UTP20: variants seen among roughly 807,000 people sequenced by gnomAD.
UTP20 encodes small subunit processome component 20 homolog.
UTP20 carries 164 observed loss-of-function variants against 329.5 expected under a neutral mutation model. The ratio of observed to expected loss-of-function variants is 0.50; its 90% CI spans 0.44 to 0.57. The LOEUF (loss-of-function observed/expected upper bound fraction) is 0.57, where lower values mean the gene tolerates loss of function less well. Among genes scored for constraint, UTP20 ranks in the 20% least tolerant of loss-of-function variants. UTP20 has a pLI of 0.00. For synonymous variants in UTP20, 1,151 were observed against 1,159.3 expected (o/e 0.99, Z 0.14); for missense variants, 3,055 against 3,284.2 (o/e 0.93, Z 1.71).
chr12:101,341,132 C>T (rs1458759845), intron 32 of UTP20, among the ~76,000 whole-genome samples: 2 of 151,788 alleles, frequency 1.3e-5, no homozygotes, highest in African/African-American at 2.4e-5. Flanking sequence ...CCTGCCACCA[C>T]GCCCAGCTAG....
rs916319852 is a variant in UTP20 at position 101,338,813 on chromosome 12, A to G, written c.3869A>G (p.Glu1290Gly). The G allele has an allele frequency of 6.9e-6, 11 of 1,594,662 alleles. No homozygotes were observed. The highest frequency in any genetic ancestry group is 9.4e-6 in the Non-Finnish European group (11 of 1,174,856). Residue 1290 changes from glutamate to glycine, a missense_variant and splice_region_variant, in exon 31 of 62, where the codon GAG becomes GGG. Glu to Gly is a moderately conservative substitution (Grantham distance 98, BLOSUM62 -2). Around this residue, in one of 3 missense-constraint regions of UTP20, gnomAD observed 2,445 missense variants for 2,575.5 expected, o/e 0.95. Transcript: ENST00000261637. ...VYPGIAENIG[E>G]SITIGGRLIL... Reference sequence around the variant, plus strand: ...CAAATCAAATCACTATCTATTTCAGAGTCTATCACAATAGGAGGAAGATTA... The same window carrying G: ...CAAATCAAATCACTATCTATTTCAGGGTCTATCACAATAGGAGGAAGATTA...
At chr12:101,282,065 A>G (rs543635489) in intron 2 of UTP20, among the ~76,000 whole-genome samples, 1 of 152,254 alleles carries the variant, frequency 6.6e-6, no homozygotes, top group South Asian at 2.1e-4. Context: ...TAGCATTTTA[A>G]GGTCGTACGT....
At position 101,299,719 on chromosome 12, in the gene UTP20, A is replaced by G. The variant is rs1217408485; in HGVS notation, c.1468A>G (p.Arg490Gly). 1 of 1,605,052 alleles carries G rather than the reference A, an allele frequency of 6.2e-7. No homozygotes were observed. The highest frequency in any genetic ancestry group is 2.2e-5 in the East Asian group (1 of 44,838). ...GCAGAAGAAGACTAGATCCAAGGGA[A>G]GAAACGAACAGTTTCCAGTATTGGA... The part of the protein sequence containing the change: ...IKQKKTRSKG[R>G]NEQFPVLDHL... The change falls in exon 13 of 62, where the codon AGA becomes GGA. Residue 490 changes from arginine (R) to glycine (G), a missense_variant. This residue lies in a region of UTP20 where 2,445 missense variants were observed against 2,575.5 expected (regional missense o/e 0.95). Transcript: ENST00000261637.
In UTP20 at chr12:101,373,569, G is replaced by A. The variant is rs745322694; in HGVS notation, c.6949-16G>A. On this transcript the variant is annotated splice_polypyrimidine_tract_variant and intron_variant, in intron 53 of 61. Transcript: ENST00000261637. Reference sequence around the variant, plus strand: ...AATTCCACTCTGAGTGCTCACACGTGCCTCTTTTCTTTTAGGGGCTGCTCC... The same window carrying A: ...AATTCCACTCTGAGTGCTCACACGTACCTCTTTTCTTTTAGGGGCTGCTCC... The A allele has an allele frequency of 6.2e-6, 10 of 1,610,402 alleles. No homozygotes were observed. In the African/African-American group the frequency reaches 1.1e-4, roughly 17 times the overall value.
chr12:101,292,216 A>G, intron 10 of UTP20, 112 bp downstream of exon 10: 1 of 1,226,322 alleles, frequency 8.2e-7, no homozygotes, highest in Non-Finnish European at 1.1e-6. Flanking sequence ...CAAGGAATTT[A>G]TAATCTTGTT....
rs899579378 is a variant in UTP20, at chr12:101,328,823, C to T, written c.3209-418C>T. ...GGCAGAGATTGCAGTGAGCCGAGAT[C>T]GCCCCAGTGCACTCCAGCCTGGGCG... On this transcript the variant is annotated intron_variant, in intron 26 of 61. Transcript: ENST00000261637. 8.0e-5 allele frequency among the ~76,000 whole-genome samples: 12 copies of T among 150,450 alleles called. No individual in the cohort carries two copies. The South Asian group carries it at 8.4e-4, about 11-fold the overall frequency.
Position 101,346,958 on chromosome 12 carries a change from G to A in UTP20, c.4884+370G>A, listed in dbSNP as rs566838611. Among the ~76,000 whole-genome samples, 3 of 152,258 alleles carry A rather than the reference G, an allele frequency of 2.0e-5. No homozygotes were observed. In the East Asian group the frequency reaches 5.8e-4, roughly 29 times the overall value. Reference sequence around the variant, plus strand: ...TACAAGAAATGAAATGAAATAGTAGGTTATCATTAACACCATACCAGGTAC... The same window carrying A: ...TACAAGAAATGAAATGAAATAGTAGATTATCATTAACACCATACCAGGTAC... On this transcript the variant is annotated intron_variant, in intron 38 of 61. Transcript: ENST00000261637.
At chr12:101,374,976 T>TA (rs764653069) in intron 55 of UTP20, 37 bp downstream of exon 55, 1 of 1,530,888 alleles carries the variant, frequency 6.5e-7, no homozygotes. Context: ...TTTTCTAACT[T>TA]ATAGTTTTAC....
At chr12:101,359,820 GC>G (rs995908089) in intron 43 of UTP20, among the ~76,000 whole-genome samples, 2 of 152,176 alleles carry the variant, frequency 1.3e-5, no homozygotes, top group African/African-American at 4.8e-5. Context: ...AGCAATGGCA[GC>G]ACAGAAAGAG....
chr12:101,385,560 C>A (rs1381762987), intron 60 of UTP20, 23 bp from the exon 61 acceptor site: 2 of 1,601,316 alleles, frequency 1.2e-6, no homozygotes, highest in East Asian at 2.2e-5. Flanking sequence ...TGTCTCTGAT[C>A]ATTACTCTTT....
rs867454302 is a variant in UTP20 at position 101,374,044 on chromosome 12, G to C, written c.7131+277G>C. On this transcript the variant is annotated intron_variant, in intron 54 of 61. Transcript: ENST00000261637. ...AGGTCAGGAGATCGAGACCATCCCGGCTAAAACGGTGAAACCCCGTCTCTA... is the reference window on the plus strand; with the variant it reads ...AGGTCAGGAGATCGAGACCATCCCGCCTAAAACGGTGAAACCCCGTCTCTA... 1.3e-3 allele frequency among the ~76,000 whole-genome samples: 199 copies of C among 151,922 alleles called. 1 individual carries two copies. The highest frequency in any genetic ancestry group is 4.6e-3 in the African/African-American group (190 of 41,466).
chr12:101,327,982 C>T (rs1868625868), intron 26 of UTP20, among the ~76,000 whole-genome samples: 1 of 152,158 alleles, frequency 6.6e-6, no homozygotes, highest in Non-Finnish European at 1.5e-5. Context: ...GGTATTTCAC[C>T]CATCGTAACT....
chr12:101,319,752 A>T, intron 23 of UTP20, 117 bp downstream of exon 23: 1 of 781,744 alleles, frequency 1.3e-6, no homozygotes. Context: ...TCTACATTTT[A>T]AGTATTAAAG....
chr12:101,361,894 C>T, intron 43 of UTP20, 68 bp from the exon 44 acceptor site: 2 of 1,274,146 alleles, frequency 1.6e-6, no homozygotes, highest in Non-Finnish European at 2.3e-6. Context: ...TGCAGTGCTT[C>T]CTAGATCTTA....
In UTP20 at chr12:101,365,442, T is replaced by A; in HGVS notation, c.5959-17T>A. On this transcript the variant is annotated splice_polypyrimidine_tract_variant and intron_variant, in intron 45 of 61. Transcript: ENST00000261637. ...TTTCTGTGTCATCTCAGCATGACAT[T>A]TATGTTTTGCCTTTAGATCTTACAA... 5 of 1,585,276 alleles carry A rather than the reference T, an allele frequency of 3.2e-6. No homozygotes were observed. The highest frequency in any genetic ancestry group is 4.3e-6 in the Non-Finnish European group (5 of 1,168,508).
intron 48 of UTP20, 89 bp downstream of exon 48, chr12:101,368,065 C>T: frequency 1.1e-6 from 1 of 935,590 alleles, no homozygotes; most frequent in Non-Finnish European, 1.7e-6. Context: ...TATTTGGGCT[C>T]AAGCTTTATG....
intron 40 of UTP20, among the ~76,000 whole-genome samples, chr12:101,354,629 C>G (rs898100454): frequency 1.3e-5 from 2 of 152,184 alleles, no homozygotes; most frequent in African/African-American, 4.8e-5. Flanking sequence ...TTATTTGTCT[C>G]TCTTTAAACT....
At chr12:101,335,502 C>A (rs1326607983) in intron 29 of UTP20, among the ~76,000 whole-genome samples, 3 of 152,210 alleles carry the variant, frequency 2.0e-5, no homozygotes, top group African/African-American at 7.2e-5. Context: ...AATTGGCATT[C>A]TATGTCTTTC....
Position 101,322,150 on chromosome 12 carries a change from T to G in UTP20, c.3041+521T>G, listed in dbSNP as rs1213098443. ...GATCACAAGCGTGCGCCACCATGCC[T>G]GGCTAATTTTTGTATTTTTAGTAGA... is the stretch of plus-strand genomic sequence containing the variant. On this transcript the variant is annotated intron_variant, in intron 25 of 61. Coordinates refer to ENST00000261637, the MANE Select transcript of UTP20 (RefSeq NM_014503.3). Among the ~76,000 whole-genome samples, 3 of 152,076 alleles carry G rather than the reference T, an allele frequency of 2.0e-5. No individual in the cohort carries two copies. In the South Asian group the frequency reaches 6.2e-4, roughly 31 times the overall value.
Sources: allele counts gnomAD v4.1 joint callset (sites outside exome capture counted in the v4.1 genomes callset), GRCh38; gene constraint gnomAD v4.1.1; regional missense constraint gnomAD v4.1.1; transcripts MANE v1.5; gene names NCBI Gene and HGNC (gene_info 2026-07-23, HGNC 2026-07-21).